WASF1: variants seen among roughly 807,000 people sequenced by gnomAD.
WASF1 encodes the protein WASP family member 1.
WASF1 carries 7 observed loss-of-function variants against 50.5 expected under a neutral mutation model. The observed-to-expected ratio is 0.14, with a 90% CI of 0.08 to 0.26. WASF1 has a LOEUF of 0.26. WASF1 is among the 10% of genes least tolerant of loss of function. The pLI is 1.00. For synonymous variants in WASF1, 205 were observed against 244.0 expected (o/e 0.84, Z 1.49); for missense variants, 470 against 694.7 (o/e 0.68, Z 3.64).
intron 7 of WASF1, 55 bp from the exon 8 acceptor site, chr6:110,105,634 G>A (rs1455562167): frequency 6.5e-7 from 1 of 1,549,038 alleles, no homozygotes; most frequent in Non-Finnish European, 8.8e-7. Flanking sequence ...TTTTTAAAAA[G>A]GAGGTTATAA....
intron 6 of WASF1, 109 bp downstream of exon 6, chr6:110,108,419 C>T (rs2114464426): frequency 4.6e-6 from 5 of 1,093,252 alleles, no homozygotes; most frequent in Non-Finnish European, 6.4e-6. Flanking sequence ...ACAGAGAGGG[C>T]TCTCTGTGTT....
At chr6:110,118,061 C>T (rs1469976273) in intron 4 of WASF1, among the ~76,000 whole-genome samples, 2 of 151,894 alleles carry the variant, frequency 1.3e-5, no homozygotes, top group African/African-American at 4.8e-5. Context: ...GCAAAACATG[C>T]CAAATGGTAA....
chr6:110,129,232 C>T (rs549471922), intron 3 of WASF1, among the ~76,000 whole-genome samples: 7 of 152,158 alleles, frequency 4.6e-5, no homozygotes, highest in Admixed American at 4.6e-4. Context: ...AGTGCTAAGT[C>T]TACATGAAAT....
intron 3 of WASF1, among the ~76,000 whole-genome samples, chr6:110,144,785 T>G (rs1355468560): frequency 6.6e-6 from 1 of 152,244 alleles, no homozygotes; most frequent in Non-Finnish European, 1.5e-5. Flanking sequence ...GCGGCATTAT[T>G]TCTGAGGGCT....
rs1776415438 is a variant in WASF1, at chr6:110,165,000, T to C, written c.-126-4268A>G. 2.6e-5 allele frequency among the ~76,000 whole-genome samples: 4 copies of C among 151,476 alleles called. No individual in the cohort carries two copies. The South Asian group carries it at 8.3e-4, about 31-fold the overall frequency. On this transcript the variant is annotated intron_variant, in intron 2 of 10. Coordinates refer to ENST00000392589, the MANE Select transcript of WASF1 (RefSeq NM_003931.3). Reference sequence around the variant, plus strand: ...TGGCATGATAGAAAAGGCAAAACTATAAAGGGTGAAAAGATTAGTGGTTTC... The same window carrying C: ...TGGCATGATAGAAAAGGCAAAACTACAAAGGGTGAAAAGATTAGTGGTTTC...
At chr6:110,164,806 C>T (rs775325544) in intron 2 of WASF1, among the ~76,000 whole-genome samples, 2 of 151,200 alleles carry the variant, frequency 1.3e-5, no homozygotes, top group Non-Finnish European at 3.0e-5. Context: ...AGTATGTCCT[C>T]GAGTAGGTAA....
At chr6:110,101,549 C>T in intron 10 of WASF1, 39 bp downstream of exon 10, 1 of 1,551,644 alleles carries the variant, frequency 6.4e-7, no homozygotes, top group Non-Finnish European at 8.7e-7. Context: ...GTTTCCAATG[C>T]TACTATAGCA....
intron 3 of WASF1, among the ~76,000 whole-genome samples, chr6:110,142,413 C>T (rs1286467051): frequency 6.6e-6 from 1 of 152,154 alleles, no homozygotes; most frequent in Non-Finnish European, 1.5e-5. Context: ...TCAGTTTCAA[C>T]ACCAGATCCA....
chr6:110,137,952 T>C lies in WASF1; in HGVS notation c.-28-10323A>G, dbSNP rs538635489. On this transcript the variant is annotated intron_variant, in intron 3 of 10. Transcript: ENST00000392589. ...TGTGTCACTTTTCCAGCTGGAAACC[T>C]CTGTGGCCAGTGGCACCTGTGCCAG... Among the ~76,000 whole-genome samples, 499 of 152,346 alleles carry C rather than the reference T, an allele frequency of 3.3e-3. 4 individuals carry two copies. Among genetic ancestry groups the C allele is most frequent in the Admixed American group, 6.7e-3 (102 of 15,310 alleles).
chr6:110,119,629 C>G (rs1773994033), intron 4 of WASF1, among the ~76,000 whole-genome samples: 1 of 152,170 alleles, frequency 6.6e-6, no homozygotes, highest in Non-Finnish European at 1.5e-5. Context: ...GAGCTGGTAC[C>G]ATTCCTTCTA....
intron 4 of WASF1, among the ~76,000 whole-genome samples, 165 bp from the exon 5 acceptor site, chr6:110,113,625 G>T (rs1353976034): frequency 2.6e-5 from 4 of 152,032 alleles, no homozygotes; most frequent in Non-Finnish European, 5.9e-5. Flanking sequence ...GTTGAATTTG[G>T]AATTTATTTG....
At chr6:110,147,318 C>G (rs1455618177) in intron 3 of WASF1, among the ~76,000 whole-genome samples, 1 of 150,452 alleles carries the variant, frequency 6.6e-6, no homozygotes, top group African/African-American at 2.5e-5. Flanking sequence ...TGCACTCCAG[C>G]CTGGGCAACA....
intron 4 of WASF1, among the ~76,000 whole-genome samples, chr6:110,123,433 C>T (rs1774229295): frequency 2.0e-5 from 3 of 152,118 alleles, no homozygotes; most frequent in African/African-American, 7.2e-5. Flanking sequence ...AAGAAGATCC[C>T]TGCCATTACT....
chr6:110,130,481 G>A (rs1158126687), intron 3 of WASF1, among the ~76,000 whole-genome samples: 1 of 152,044 alleles, frequency 6.6e-6, no homozygotes, highest in Non-Finnish European at 1.5e-5. Context: ...AGACTAATAT[G>A]ATACATATTA....
At chr6:110,119,813 C>T (rs1583946330) in intron 4 of WASF1, among the ~76,000 whole-genome samples, 1 of 152,192 alleles carries the variant, frequency 6.6e-6, no homozygotes, top group East Asian at 1.9e-4. Flanking sequence ...CAAACCAAAT[C>T]CAGCAGCACA....
chr6:110,110,720 T>G (rs1194536285), intron 5 of WASF1, among the ~76,000 whole-genome samples: 1 of 152,154 alleles, frequency 6.6e-6, no homozygotes, highest in African/African-American at 2.4e-5. Flanking sequence ...TTGTTTAAAA[T>G]TCATTTAAAA....
At chr6:110,163,005 A>G (rs1255586482) in intron 2 of WASF1, among the ~76,000 whole-genome samples, 1 of 151,690 alleles carries the variant, frequency 6.6e-6, no homozygotes, top group Admixed American at 6.6e-5. Context: ...GAATCAACCA[A>G]AAAACTCTTG....
intron 3 of WASF1, among the ~76,000 whole-genome samples, chr6:110,133,849 A>C (rs929995681): frequency 5.9e-5 from 9 of 151,890 alleles, no homozygotes; most frequent in Non-Finnish European, 8.8e-5. Context: ...TGCTGTGTAG[A>C]AGCTTTTTAG....
chr6:110,113,295 G>C, intron 5 of WASF1, 31 bp downstream of exon 5: 1 of 1,477,052 alleles, frequency 6.8e-7, no homozygotes, highest in Non-Finnish European at 9.0e-7. Flanking sequence ...AAATATATAC[G>C]TAGAAGAAAA....
Sources: gnomAD v4.1 joint callset for allele counts (sites outside exome capture counted in the v4.1 genomes callset) on GRCh38, gnomAD v4.1.1 for gene constraint, MANE v1.5 for transcripts, NCBI Gene and HGNC (gene_info 2026-07-23, HGNC 2026-07-21) for gene names.